The following SLC17A8 variants were observed in gnomAD, a reference collection of about 807,000 sequenced individuals.
SLC17A8 encodes the protein vesicular glutamate transporter 3.
In SLC17A8, 31 loss-of-function variants were observed where a neutral mutation model predicts 58.0. The ratio of observed to expected loss-of-function variants is 0.53; its 90% CI spans 0.40 to 0.72. SLC17A8 has a LOEUF of 0.72. SLC17A8 is among the 30% of genes least tolerant of loss of function. The probability of loss-of-function intolerance (pLI) is 0.00; values close to 1 mark genes in which losing one functional copy is unlikely to be tolerated. For synonymous variants in SLC17A8, 228 were observed against 249.0 expected (o/e 0.92, Z 0.79); for missense variants, 655 against 727.8 (o/e 0.90, Z 1.15).
intron 1 of SLC17A8, among the ~76,000 whole-genome samples, chr12:100,368,132 A>T (rs574152643): frequency 3.3e-3 from 499 of 152,330 alleles, no homozygotes; most frequent in Non-Finnish European, 5.5e-3. Flanking sequence ...TAGGTAGCTT[A>T]AAACAACAGA....
chr12:100,381,129 CCATCTCAGCATCTCAGCATCTCAG>C (rs59620980), intron 2 of SLC17A8, among the ~76,000 whole-genome samples, 176 bp downstream of exon 2: 1 of 149,816 alleles, frequency 6.7e-6, no homozygotes, highest in African/African-American at 2.5e-5. Flanking sequence ...GTAGCTCCTC[CCATCTCAGCATCTCAGCATCTCAG>C]CATCTCAGCA....
At position 100,419,854 on chromosome 12, in the gene SLC17A8, C is replaced by G. The variant is rs776927386; in HGVS notation, c.1465C>G (p.Leu489Val). Reference protein sequence around the residue: ...EWQNVFLIAALVHYSGVIFYG... With the variant: ...EWQNVFLIAAVVHYSGVIFYG... The stretch of plus-strand genomic sequence containing the variant: ...GCAGAATGTGTTCCTCATAGCTGCC[C>G]TGGTGCATTACAGTGGTGTGATCTT... The change falls in exon 12 of 12, where the codon CTG becomes GTG. Residue 489 changes from leucine (L) to valine (V), a missense_variant. Coordinates refer to ENST00000323346, the MANE Select transcript of SLC17A8 (RefSeq NM_139319.3). The G allele has an allele frequency of 3.1e-6, 5 of 1,613,966 alleles. No homozygotes were observed. The highest frequency in any genetic ancestry group is 4.2e-6 in the Non-Finnish European group (5 of 1,180,026).
In SLC17A8 at chr12:100,392,781, T is replaced by A. The variant is rs141741898; in HGVS notation, c.474-588T>A. On this transcript the variant is annotated intron_variant, in intron 3 of 11. Transcript: ENST00000323346. ...AGCTAAGACAGGTACACAACCTGTC[T>A]TGTGCTTGGCTGGTCCCAGGACATA... Among the ~76,000 whole-genome samples, 477 of 152,332 alleles carry A rather than the reference T, an allele frequency of 3.1e-3. 3 individuals carry two copies. The highest frequency in any genetic ancestry group is 0.011 in the African/African-American group (448 of 41,576).
In SLC17A8 at chr12:100,396,333, G is replaced by A; in HGVS notation, c.592G>A (p.Val198Met). 1.9e-6 allele frequency: 3 copies of A among 1,613,822 alleles called. No individual in the cohort carries two copies. The highest frequency in any genetic ancestry group is 2.5e-6 in the Non-Finnish European group (3 of 1,179,744). ...VRILQGLVEG[V>M]TYPACHGMWS... ...CTATTTTCAACTCTTCTGCCAGGGT[G>A]TGACCTACCCAGCCTGCCATGGGAT... The change falls in exon 5 of 12, where the codon GTG becomes ATG. Residue 198 changes from valine (V) to methionine (M), a missense_variant. Physicochemically the swap from Val to Met is conservative, Grantham distance 21 (BLOSUM62 1). Coordinates refer to ENST00000323346, the MANE Select transcript of SLC17A8 (RefSeq NM_139319.3).
intron 1 of SLC17A8, among the ~76,000 whole-genome samples, chr12:100,368,277 G>A (rs908845535): frequency 1.3e-5 from 2 of 152,214 alleles, no homozygotes; most frequent in African/African-American, 2.4e-5. Flanking sequence ...GGGAATCCCA[G>A]GCGTGCCTTG....
chr12:100,359,740 G>A (rs1211025033), intron 1 of SLC17A8, among the ~76,000 whole-genome samples: 1 of 152,140 alleles, frequency 6.6e-6, no homozygotes, highest in Non-Finnish European at 1.5e-5. Context: ...CACGTGTTTG[G>A]CATTAATCAC....
At chr12:100,377,585 A>ATAT (rs1366447682) in intron 1 of SLC17A8, among the ~76,000 whole-genome samples, 7 of 84,034 alleles carry the variant, frequency 8.3e-5, no homozygotes, top group Non-Finnish European at 1.1e-4. Context: ...ATATATATAT[A>ATAT]TTTTTTTTTT....
At chr12:100,383,793 T>A (rs1952654130) in intron 2 of SLC17A8, among the ~76,000 whole-genome samples, 1 of 151,806 alleles carries the variant, frequency 6.6e-6, no homozygotes, top group South Asian at 2.1e-4. Context: ...AGCCTTGACC[T>A]CCTGGGCTTA....
intron 9 of SLC17A8, among the ~76,000 whole-genome samples, chr12:100,408,067 G>A (rs1041575596): frequency 2.0e-5 from 3 of 152,192 alleles, no homozygotes; most frequent in Non-Finnish European, 4.4e-5. Context: ...GAAGAATGCA[G>A]GTTGATTTGG....
chr12:100,393,558 G>T, intron 4 of SLC17A8, 75 bp downstream of exon 4: 2 of 1,096,986 alleles, frequency 1.8e-6, no homozygotes, highest in Non-Finnish European at 2.8e-6. Context: ...ACCTTCTGAA[G>T]AAAATCCCCT....
chr12:100,418,286 T>G, intron 11 of SLC17A8, 130 bp downstream of exon 11: 1 of 1,138,870 alleles, frequency 8.8e-7, no homozygotes, highest in Admixed American at 1.9e-5. Flanking sequence ...TCAGCTGAAC[T>G]TCTTTTTTTT....
In SLC17A8 at chr12:100,407,557, C is replaced by T. The variant is rs565562371; in HGVS notation, c.1186+3387C>T. Among the ~76,000 whole-genome samples the T allele has an allele frequency of 3.9e-4, 60 of 152,122 alleles. No individual in the cohort carries two copies. The South Asian group carries it at 0.011, about 27-fold the overall frequency. On this transcript the variant is annotated intron_variant, in intron 9 of 11. Transcript: ENST00000323346. ...CCCATCTTTAAAAAATACCTCTTCA[C>T]ATGGCTTTTCATGTTCATATATATA... is the stretch of plus-strand genomic sequence containing the variant.
intron 1 of SLC17A8, among the ~76,000 whole-genome samples, chr12:100,361,448 A>G (rs1198490919): frequency 6.6e-6 from 1 of 152,176 alleles, no homozygotes; most frequent in Non-Finnish European, 1.5e-5. Context: ...TTCTTCAAGT[A>G]TGTGCTCAAA....
chr12:100,381,551 G>T (rs1327105907), intron 2 of SLC17A8, among the ~76,000 whole-genome samples: 1 of 137,594 alleles, frequency 7.3e-6, no homozygotes, highest in East Asian at 2.5e-4. Context: ...GTACTGTGAA[G>T]GACTGTAAGA....
At chr12:100,366,182 T>C (rs1952520065) in intron 1 of SLC17A8, among the ~76,000 whole-genome samples, 1 of 151,528 alleles carries the variant, frequency 6.6e-6, no homozygotes, top group Non-Finnish European at 1.5e-5. Context: ...CATAATATAA[T>C]ACTGTTTTTG....
intron 1 of SLC17A8, among the ~76,000 whole-genome samples, chr12:100,365,448 G>T (rs1952513435): frequency 6.6e-6 from 1 of 152,106 alleles, no homozygotes; most frequent in Non-Finnish European, 1.5e-5. Flanking sequence ...CACCCTTATT[G>T]CAGCCTAGAC....
rs933633861 is a variant in SLC17A8, at chr12:100,405,002, G to A, written c.1186+832G>A. ...CCTATGGGCAAGAGCTCACAACTGT[G>A]ATATTAAGTTGAAAGGGACGGATTG... On this transcript the variant is annotated intron_variant, in intron 9 of 11. Transcript: ENST00000323346. 1.3e-5 allele frequency among the ~76,000 whole-genome samples: 2 copies of A among 152,346 alleles called. 1 individual carries two copies. Among genetic ancestry groups the A allele is most frequent in the South Asian group, 4.1e-4 (2 of 4,826 alleles).
intron 2 of SLC17A8, among the ~76,000 whole-genome samples, chr12:100,390,065 C>A (rs924950959): frequency 6.6e-6 from 1 of 152,064 alleles, no homozygotes; most frequent in Admixed American, 6.6e-5. Context: ...AAATGATCCA[C>A]CCACCTCTAT....
Position 100,412,886 on chromosome 12 carries a change from G to A in SLC17A8, c.1297+6G>A. On this transcript the variant is annotated splice_donor_region_variant and intron_variant, in intron 10 of 11. Coordinates refer to ENST00000323346, the MANE Select transcript of SLC17A8 (RefSeq NM_139319.3). ...TAGTGGCTTCGCTATTTCAGGTAAT[G>A]TGTCCTTTGGGTTTCCAGATCTTGA... is the stretch of plus-strand genomic sequence containing the variant. 1.2e-6 allele frequency: 2 copies of A among 1,601,866 alleles called. No homozygotes were observed. The highest frequency in any genetic ancestry group is 1.7e-6 in the Non-Finnish European group (2 of 1,168,882).
Sources: allele counts gnomAD v4.1 joint callset (sites outside exome capture counted in the v4.1 genomes callset), GRCh38; gene constraint gnomAD v4.1.1; transcripts MANE v1.5; gene names NCBI Gene and HGNC (gene_info 2026-07-23, HGNC 2026-07-21).